CFAP44: variants seen among roughly 807,000 people sequenced by gnomAD.
CFAP44 encodes the protein cilia- and flagella-associated protein 44.
In CFAP44, 134 loss-of-function variants were observed where a neutral mutation model predicts 216.2. The observed-to-expected ratio is 0.62, with a 90% CI of 0.54 to 0.72. The LOEUF (loss-of-function observed/expected upper bound fraction) is 0.72, where lower values mean the gene tolerates loss of function less well. Among genes scored for constraint, CFAP44 ranks in the 30% least tolerant of loss-of-function variants. The pLI is 0.00. For synonymous variants in CFAP44, 700 were observed against 727.6 expected, an observed-to-expected ratio of 0.96 and a Z score of 0.61; for missense variants, 2,035 against 2,182.1, an observed-to-expected ratio of 0.93 and a Z score of 1.34.
At chr3:113,350,541 A>G (rs779236136) in intron 22 of CFAP44, among the ~76,000 whole-genome samples, 5 of 152,208 alleles carry the variant, frequency 3.3e-5, no homozygotes, top group Non-Finnish European at 7.3e-5. Flanking sequence ...TTGATAATTG[A>G]CAGTCTTCTC....
At chr3:113,303,125 C>G (rs993553192) in intron 32 of CFAP44, among the ~76,000 whole-genome samples, 1 of 152,108 alleles carries the variant, frequency 6.6e-6, no homozygotes, top group African/African-American at 2.4e-5. Flanking sequence ...AATTCTCACA[C>G]ATTGCTAGGG....
intron 6 of CFAP44, among the ~76,000 whole-genome samples, chr3:113,414,994 A>AAT (rs1934604982): frequency 1.4e-5 from 2 of 140,160 alleles, no homozygotes. Context: ...CTGGTCCTGG[A>AAT]GTTTTTTTTG....
In CFAP44 at chr3:113,341,917, A is replaced by G. The variant is rs777406064; in HGVS notation, c.3264T>C (p.Gly1088=). Residue 1088 remains glycine (G), a splice_region_variant and synonymous_variant, in exon 24 of 35, where the codon GGT becomes GGC. Coordinates refer to ENST00000393845, the MANE Select transcript of CFAP44 (RefSeq NM_001164496.2). ...ATTCTTCTTGTATGGTAACACTCCC[A>G]CCTACATAGAGAATCAACATTTTTC... ...PGRKDSQRDA[G]GSVTIQEESI... 15 of 1,512,948 alleles carry G rather than the reference A, an allele frequency of 9.9e-6. No homozygotes were observed. The highest frequency in any genetic ancestry group is 4.4e-6 in the Non-Finnish European group (5 of 1,141,052). The allele number at this position is 1,512,948 out of a possible 1,614,324, so 93.7% of individuals were successfully genotyped here.
chr3:113,379,636 AAAG>A (rs1933451639), intron 16 of CFAP44, 85 bp from the exon 17 acceptor site: 1 of 1,082,052 alleles, frequency 9.2e-7, no homozygotes, highest in Non-Finnish European at 1.3e-6. Context: ...ATGAAAATAG[AAAG>A]AAGATACACA....
At chr3:113,328,695 TTAAAAAAAAAAAAAA>T (rs1245913315) in intron 26 of CFAP44, among the ~76,000 whole-genome samples, 1 of 72,344 alleles carries the variant, frequency 1.4e-5, no homozygotes, top group East Asian at 3.4e-4. Context: ...TTTAGAGAGC[TTAAAAAAAAAAAAAA>T]AAAAAAAAAA....
At chr3:113,375,384 TTAAAA>T (rs1224347797) in intron 17 of CFAP44, among the ~76,000 whole-genome samples, 2 of 152,014 alleles carry the variant, frequency 1.3e-5, no homozygotes, top group African/African-American at 4.8e-5. Flanking sequence ...AAAACAAACT[TTAAAA>T]TAAAAGTTAC....
At chr3:113,361,747 C>T (rs773742609) in intron 21 of CFAP44, among the ~76,000 whole-genome samples, 1 of 151,938 alleles carries the variant, frequency 6.6e-6, no homozygotes, top group Non-Finnish European at 1.5e-5. Context: ...ATCCGCCCGC[C>T]TCGGCCTCCC....
At chr3:113,404,624 A>G (rs528294572) in intron 8 of CFAP44, among the ~76,000 whole-genome samples, 1 of 152,374 alleles carries the variant, frequency 6.6e-6, no homozygotes, top group African/African-American at 2.4e-5. Context: ...ATGTTAAGTT[A>G]TTTAATGCAA....
At chr3:113,406,284 C>CTT (rs746678899) in intron 8 of CFAP44, among the ~76,000 whole-genome samples, 8 of 152,130 alleles carry the variant, frequency 5.3e-5, no homozygotes, top group Non-Finnish European at 1.0e-4. Context: ...ACCTTTGACC[C>CTT]AATAAGTCTT....
Position 113,291,547 on chromosome 3 carries a change from A to AATAGCAAAC in CFAP44, c.*1_*9dup. 6.5e-7 allele frequency: 1 copy of AATAGCAAAC among 1,533,652 alleles called. No individual in the cohort carries two copies. The highest frequency in any genetic ancestry group is 8.7e-7 in the Non-Finnish European group (1 of 1,143,906). ...CAGAAATCTTGTATGGGTTTGAGAA[A>AATAGCAAAC]ATAGCAAACTCAAAGGTCTGCGGGC... is the stretch of plus-strand genomic sequence containing the variant. On this transcript the variant is annotated 3_prime_UTR_variant, in exon 35 of 35. Coordinates refer to ENST00000393845, the MANE Select transcript of CFAP44 (RefSeq NM_001164496.2).
At chr3:113,393,619 G>T (rs943355533) in intron 15 of CFAP44, among the ~76,000 whole-genome samples, 1 of 152,066 alleles carries the variant, frequency 6.6e-6, no homozygotes, top group Admixed American at 6.5e-5. Flanking sequence ...AGCCTCAAGC[G>T]ATCCTCCCAC....
At chr3:113,351,995 C>T (rs1950449614) in intron 22 of CFAP44, among the ~76,000 whole-genome samples, 1 of 152,136 alleles carries the variant, frequency 6.6e-6, no homozygotes, top group Admixed American at 6.5e-5. Context: ...TTCACCCCTA[C>T]CCAGCAGGAA....
chr3:113,311,631 G>C (rs968475959), intron 28 of CFAP44, among the ~76,000 whole-genome samples: 4 of 152,122 alleles, frequency 2.6e-5, no homozygotes, highest in African/African-American at 9.7e-5. Flanking sequence ...CAGTAAATTG[G>C]AACCAGTAGA....
intron 7 of CFAP44, among the ~76,000 whole-genome samples, chr3:113,408,290 C>T (rs570411898): frequency 2.6e-5 from 4 of 152,058 alleles, no homozygotes; most frequent in Admixed American, 6.6e-5. Context: ...CGGAAATAGA[C>T]GAGGGTATGA....
chr3:113,352,002 G>A (rs1559920281), intron 22 of CFAP44, among the ~76,000 whole-genome samples: 1 of 152,142 alleles, frequency 6.6e-6, no homozygotes, highest in Admixed American at 6.5e-5. Flanking sequence ...CTACCCAGCA[G>A]GAAGTAGCTG....
At chr3:113,388,742 A>G (rs759504265) in intron 15 of CFAP44, among the ~76,000 whole-genome samples, 7 of 152,228 alleles carry the variant, frequency 4.6e-5, no homozygotes, top group Non-Finnish European at 8.8e-5. Flanking sequence ...AGAAATAATT[A>G]CACTTACATC....
In CFAP44 at chr3:113,395,737, A is replaced by G. The variant is rs1170832954; in HGVS notation, c.1890+13T>C. ...TTGAGATTCAAACAGGAAGACAAATAATAATGACTTACATGAGACATGGGA... is the reference window on the plus strand; with the variant it reads ...TTGAGATTCAAACAGGAAGACAAATGATAATGACTTACATGAGACATGGGA... On this transcript the variant is annotated intron_variant, in intron 15 of 34. Coordinates refer to ENST00000393845, the MANE Select transcript of CFAP44 (RefSeq NM_001164496.2). 6.3e-7 allele frequency: 1 copy of G among 1,577,938 alleles called. No homozygotes were observed. Among genetic ancestry groups the G allele is most frequent in the African/African-American group, 1.4e-5 (1 of 73,246 alleles).
chr3:113,427,193 T>C lies in CFAP44; in HGVS notation c.247A>G (p.Thr83Ala), dbSNP rs1468060329. 6.2e-7 allele frequency: 1 copy of C among 1,612,600 alleles called. No homozygotes were observed. Among genetic ancestry groups the C allele is most frequent in the Non-Finnish European group, 8.5e-7 (1 of 1,179,622 alleles). ...SSFQYGDLQS[T>A]TVPQQTPAPA... ...GAAAACTAATAATACCTACCTGTAGTGCTTTGCAAATCACCATACTGAAAT... is the reference window on the plus strand; with the variant it reads ...GAAAACTAATAATACCTACCTGTAGCGCTTTGCAAATCACCATACTGAAAT... The change falls in exon 3 of 35, where the codon ACT (threonine) becomes GCT (alanine). Residue 83 changes from threonine (T) to alanine (A), a missense_variant. By Grantham distance (58) the Thr-to-Ala change is moderately conservative. Around this residue, in one of 3 missense-constraint regions of CFAP44, gnomAD observed 149 missense variants for 141.8 expected, o/e 1.05. Transcript: ENST00000393845.
chr3:113,305,095 G>A lies in CFAP44; in HGVS notation c.4816C>T (p.Arg1606Ter). ...TCATTCAGCCGCTGCTGCTTCTCTC[G>A]CTGATAAGCCTCCAGGGCCTCCTCT... Reference protein sequence around the residue: ...AAEEALEAYQREKQQRLNELL... With the variant: ...AAEEALEAYQ The change falls in exon 31 of 35, where the codon CGA becomes TGA. Residue 1606 changes from arginine (R) to a stop codon, truncating the protein, a stop_gained. Coordinates refer to ENST00000393845, the MANE Select transcript of CFAP44 (RefSeq NM_001164496.2). LOFTEE classifies it high-confidence loss of function. The A allele has an allele frequency of 2.6e-6, 4 of 1,537,216 alleles. No homozygotes were observed. The highest frequency in any genetic ancestry group is 2.6e-6 in the Non-Finnish European group (3 of 1,146,910).
Sources: allele counts gnomAD v4.1 joint callset (sites outside exome capture counted in the v4.1 genomes callset), GRCh38; gene constraint gnomAD v4.1.1; regional missense constraint gnomAD v4.1.1; transcripts MANE v1.5; gene names NCBI Gene and HGNC (gene_info 2026-07-23, HGNC 2026-07-21).